FBXL17: variants seen among roughly 807,000 people sequenced by gnomAD.
FBXL17 encodes F-box and leucine rich repeat protein 17, also known as F-box/LRR-repeat protein 17.
In FBXL17, 22 loss-of-function variants were observed where a neutral mutation model predicts 66.2. That is an observed-to-expected ratio of 0.33 (90% CI 0.24 to 0.47). FBXL17 has a LOEUF of 0.47. Ranked by LOEUF, FBXL17 falls within the 20% of genes least tolerant of loss-of-function variation. The pLI is 1.00. For missense variants in FBXL17, 878 were observed against 948.2 expected (o/e 0.93, Z 0.97); for synonymous variants, 474 against 400.5 (o/e 1.18, Z -2.19).
intron 5 of FBXL17, among the ~76,000 whole-genome samples, chr5:108,196,209 T>C: frequency 6.6e-6 from 1 of 151,340 alleles, no homozygotes; most frequent in East Asian, 1.9e-4. Flanking sequence ...CCTAGCCCAA[T>C]TCTTTAAAAA....
At chr5:108,336,776 T>C (rs929218741) in intron 4 of FBXL17, among the ~76,000 whole-genome samples, 1 of 152,168 alleles carries the variant, frequency 6.6e-6, no homozygotes, top group Non-Finnish European at 1.5e-5. Context: ...CTTGTATGAA[T>C]GTTAATGAAA....
chr5:108,278,600 C>T (rs1483937402), intron 4 of FBXL17, among the ~76,000 whole-genome samples: 1 of 152,196 alleles, frequency 6.6e-6, no homozygotes, highest in Admixed American at 6.5e-5. Context: ...AGTTGCAGGC[C>T]AGGCACAAAC....
At chr5:108,372,081 G>C (rs1296921758) in intron 1 of FBXL17, among the ~76,000 whole-genome samples, 1 of 152,194 alleles carries the variant, frequency 6.6e-6, no homozygotes, top group Non-Finnish European at 1.5e-5. Flanking sequence ...ACAGCTTCAT[G>C]CTGTAAAAGA....
chr5:108,284,952 A>G (rs1757840763), intron 4 of FBXL17, among the ~76,000 whole-genome samples: 1 of 151,822 alleles, frequency 6.6e-6, no homozygotes, highest in African/African-American at 2.4e-5. Context: ...CCACAGCAAA[A>G]CTTCTTTCTA....
At position 108,044,783 on chromosome 5, in the gene FBXL17, AT is replaced by A. The variant is rs199681423; in HGVS notation, c.1746-23783del. Among the ~76,000 whole-genome samples the A allele has an allele frequency of 2.5e-3, 378 of 149,640 alleles. 3 individuals are homozygous for A. Among genetic ancestry groups the A allele is most frequent in the South Asian group, 0.014 (67 of 4,710 alleles). The stretch of plus-strand genomic sequence containing the variant: ...TGGACCTGGAGATTTATTTTGGGGG[AT>A]TTTTTTTTTAAATTATCGATGCAAT... On this transcript the variant is annotated intron_variant, in intron 6 of 8. Coordinates refer to ENST00000542267, the MANE Select transcript of FBXL17 (RefSeq NM_001163315.3).
intron 3 of FBXL17, among the ~76,000 whole-genome samples, chr5:108,354,983 T>G (rs1337116064): frequency 2.6e-5 from 4 of 151,682 alleles, no homozygotes; most frequent in African/African-American, 9.7e-5. Context: ...ATGAGGGAAT[T>G]TGTTGCCACT....
At chr5:107,996,051 G>A (rs535982837) in intron 7 of FBXL17, among the ~76,000 whole-genome samples, 1 of 111,194 alleles carries the variant, frequency 9.0e-6, no homozygotes, top group South Asian at 2.8e-4. Context: ...TTTTATGGTT[G>A]GTTATGACCA....
At position 107,945,147 on chromosome 5, in the gene FBXL17, C is replaced by T. The variant is rs1201606594; in HGVS notation, c.1823-63968G>A. ...TATGAGGAAACTTGAAGATTCAATACACATACCTAAAAAGGCTCTACCTCA... is the reference window on the plus strand; with the variant it reads ...TATGAGGAAACTTGAAGATTCAATATACATACCTAAAAAGGCTCTACCTCA... On this transcript the variant is annotated intron_variant, in intron 7 of 8. Coordinates refer to ENST00000542267, the MANE Select transcript of FBXL17 (RefSeq NM_001163315.3). Among the ~76,000 whole-genome samples, 8 of 152,130 alleles carry T rather than the reference C, an allele frequency of 5.3e-5. No individual in the cohort carries two copies. The East Asian group carries it at 1.5e-3, about 29-fold the overall frequency.
intron 4 of FBXL17, among the ~76,000 whole-genome samples, chr5:108,242,782 G>C (rs1322579943): frequency 6.6e-6 from 1 of 151,932 alleles, no homozygotes; most frequent in African/African-American, 2.4e-5. Context: ...TAAAAGATAA[G>C]TCTCTTTAAA....
intron 7 of FBXL17, among the ~76,000 whole-genome samples, chr5:107,974,614 C>T (rs1033758979): frequency 1.3e-5 from 2 of 152,046 alleles, no homozygotes; most frequent in Non-Finnish European, 2.9e-5. Flanking sequence ...TTCGGTTAAT[C>T]AACAATATTT....
chr5:108,352,304 C>T (rs1231940115), intron 3 of FBXL17, among the ~76,000 whole-genome samples: 1 of 152,216 alleles, frequency 6.6e-6, no homozygotes, highest in East Asian at 1.9e-4. Context: ...TATCCAAGCA[C>T]TGTAAAGTCA....
intron 4 of FBXL17, chr5:108,301,876 AT>A (rs1758605501): frequency 4.1e-6 from 1 of 241,384 alleles, no homozygotes; most frequent in South Asian, 1.5e-4. Context: ...GCCTATTATG[AT>A]TTTTAACTCT....
intron 6 of FBXL17, among the ~76,000 whole-genome samples, chr5:108,069,826 C>T (rs1196568886): frequency 2.0e-5 from 3 of 152,134 alleles, no homozygotes; most frequent in Non-Finnish European, 2.9e-5. Flanking sequence ...ATGCCTGAAA[C>T]AAAGTTCTAT....
At chr5:108,255,119 C>T (rs984727780) in intron 4 of FBXL17, among the ~76,000 whole-genome samples, 1 of 152,104 alleles carries the variant, frequency 6.6e-6, no homozygotes, top group Non-Finnish European at 1.5e-5. Flanking sequence ...CATACACATA[C>T]ATACATACAC....
At chr5:107,946,417 A>G (rs1751298110) in intron 7 of FBXL17, among the ~76,000 whole-genome samples, 1 of 145,364 alleles carries the variant, frequency 6.9e-6, no homozygotes, top group Non-Finnish European at 1.5e-5. Flanking sequence ...CAGCCATCAG[A>G]GTAACTAGGA....
chr5:108,356,566 T>C lies in FBXL17; in HGVS notation c.1375-8036A>G, dbSNP rs137957541. ...CATACTACTAAGTGAAGGAATCCAA[T>C]CTAAAGGGGTTACATACTATATGAT... On this transcript the variant is annotated intron_variant, in intron 3 of 8. Coordinates refer to ENST00000542267, the MANE Select transcript of FBXL17 (RefSeq NM_001163315.3). Among the ~76,000 whole-genome samples the C allele has an allele frequency of 3.5e-3, 538 of 152,138 alleles. 4 individuals are homozygous for C. The highest frequency in any genetic ancestry group is 0.012 in the African/African-American group (512 of 41,522).
chr5:108,294,293 AT>A (rs200822686), intron 4 of FBXL17, among the ~76,000 whole-genome samples: 3,937 of 143,562 alleles, frequency 0.027, 68 homozygotes, highest in Middle Eastern at 0.047. Context: ...AAAAAAAAAA[AT>A]ATATATATAT....
At chr5:107,901,078 T>G (rs1394270186) in intron 7 of FBXL17, among the ~76,000 whole-genome samples, 2 of 152,228 alleles carry the variant, frequency 1.3e-5, no homozygotes, top group African/African-American at 4.8e-5. Context: ...CATGATCTAG[T>G]GTTTTGATCG....
intron 4 of FBXL17, among the ~76,000 whole-genome samples, chr5:108,237,249 C>T (rs1296458567): frequency 1.3e-5 from 2 of 152,182 alleles, no homozygotes; most frequent in Non-Finnish European, 2.9e-5. Context: ...ACTACATGCA[C>T]AACACTTCAT....
Sources: gnomAD v4.1 joint callset for allele counts (sites outside exome capture counted in the v4.1 genomes callset) on GRCh38, gnomAD v4.1.1 for gene constraint, MANE v1.5 for transcripts, NCBI Gene and HGNC (gene_info 2026-07-23, HGNC 2026-07-21) for gene names.